The following HEMK2 variants were observed in gnomAD, a reference collection of about 807,000 sequenced individuals.
The protein encoded by HEMK2 is HemK methyltransferase 2, ETF1 glutamine and histone H4 lysine.
chr21:28,672,120 C>T, the HEMK2 span, among the ~76,000 whole-genome samples: 3 of 151,874 alleles, frequency 2.0e-5, no homozygotes, highest in Non-Finnish European at 4.4e-5. Flanking sequence ...GAAACATAGG[C>T]TTAAATAGTT....
chr21:28,634,103 G>A, the HEMK2 span, among the ~76,000 whole-genome samples: 2 of 152,200 alleles, frequency 1.3e-5, no homozygotes, highest in Non-Finnish European at 2.9e-5. Context: ...AAATGAGAAT[G>A]TCATATCCTC....
the HEMK2 span, among the ~76,000 whole-genome samples, chr21:28,785,321 T>C: frequency 6.6e-6 from 1 of 152,264 alleles, no homozygotes; most frequent in African/African-American, 2.4e-5. Context: ...AATTTTTAAA[T>C]CAGGGATGCT....
At chr21:28,603,511 TTTAACTCTTCCACA>T in the HEMK2 span, among the ~76,000 whole-genome samples, 1 of 151,216 alleles carries the variant, frequency 6.6e-6, no homozygotes, top group African/African-American at 2.4e-5. Context: ...CTACAGAGAG[TTTAACTCTTCCACA>T]GTATTATTTT....
the HEMK2 span, among the ~76,000 whole-genome samples, chr21:28,760,609 A>G: frequency 6.6e-6 from 1 of 152,188 alleles, no homozygotes; most frequent in Non-Finnish European, 1.5e-5. Flanking sequence ...TTAACTCAAC[A>G]TAACTCTTTG....
chr21:28,650,724 G>C, the HEMK2 span, among the ~76,000 whole-genome samples: 2 of 152,140 alleles, frequency 1.3e-5, no homozygotes, highest in African/African-American at 4.8e-5. Context: ...TTGAAGTCTA[G>C]TCTTGAGAAG....
At chr21:28,885,293 G>C in the HEMK2 span, 27 of 1,591,304 alleles carry the variant, frequency 1.7e-5, no homozygotes, top group East Asian at 1.6e-4. Context: ...GTCGCTGAAG[G>C]CGCCGCGGCC....
the HEMK2 span, among the ~76,000 whole-genome samples, chr21:28,599,295 T>C: frequency 2.0e-5 from 3 of 152,164 alleles, no homozygotes; most frequent in Admixed American, 2.0e-4. Flanking sequence ...AGAAGTTTAA[T>C]GGATTCACAG....
At chr21:28,866,235 G>A in the HEMK2 span, among the ~76,000 whole-genome samples, 1 of 150,300 alleles carries the variant, frequency 6.7e-6, no homozygotes, top group South Asian at 2.1e-4. Flanking sequence ...CAGCTACTAG[G>A]GAAACTGAGG....
At chr21:28,882,423 GAA>G in the HEMK2 span, among the ~76,000 whole-genome samples, 1 of 152,026 alleles carries the variant, frequency 6.6e-6, no homozygotes, top group African/African-American at 2.4e-5. Flanking sequence ...TTCTATTGAT[GAA>G]AAAGACTGTT....
the HEMK2 span, among the ~76,000 whole-genome samples, chr21:28,755,346 G>A: frequency 0.19 from 29,443 of 152,134 alleles, 3,565 homozygotes; most frequent in African/African-American, 0.34. Flanking sequence ...TGTCCACCAC[G>A]TACATGTACA....
At chr21:28,871,709 C>T in the HEMK2 span, among the ~76,000 whole-genome samples, 1 of 152,162 alleles carries the variant, frequency 6.6e-6, no homozygotes. Flanking sequence ...TGCATTCTCT[C>T]ACAGTTCTTG....
the HEMK2 span, among the ~76,000 whole-genome samples, chr21:28,805,462 T>A: frequency 6.6e-6 from 1 of 152,186 alleles, no homozygotes; most frequent in Non-Finnish European, 1.5e-5. Context: ...CATACCTCTA[T>A]AAAGTAAAAA....
chr21:28,856,150 T>C, the HEMK2 span, among the ~76,000 whole-genome samples: 1 of 152,132 alleles, frequency 6.6e-6, no homozygotes, highest in African/African-American at 2.4e-5. Flanking sequence ...CACAGTGGCT[T>C]ATGCCTGTAA....
the HEMK2 span, among the ~76,000 whole-genome samples, chr21:28,689,233 C>T: frequency 9.2e-5 from 14 of 152,096 alleles, no homozygotes; most frequent in Non-Finnish European, 1.9e-4. Flanking sequence ...AAGAATATCC[C>T]GTTAAAAGCC....
chr21:28,582,429 G>A, the HEMK2 span, among the ~76,000 whole-genome samples: 1 of 152,022 alleles, frequency 6.6e-6, no homozygotes, highest in African/African-American at 2.4e-5. Flanking sequence ...AACCACCTGG[G>A]GGGAATCAAG....
chr21:28,832,234 A>G, the HEMK2 span, among the ~76,000 whole-genome samples: 1 of 152,204 alleles, frequency 6.6e-6, no homozygotes, highest in African/African-American at 2.4e-5. Context: ...TAGGGCAAAT[A>G]TGCTTGAGGC....
the HEMK2 span, among the ~76,000 whole-genome samples, chr21:28,863,410 TTATA>T: frequency 5.4e-4 from 21 of 38,966 alleles, no homozygotes; most frequent in East Asian, 2.5e-3. Flanking sequence ...AAACTCCCTT[TTATA>T]TATATATATA....
the HEMK2 span, among the ~76,000 whole-genome samples, chr21:28,745,894 G>A: frequency 6.6e-6 from 1 of 152,208 alleles, no homozygotes; most frequent in Non-Finnish European, 1.5e-5. Context: ...CCTTCAGGAC[G>A]ATTTCAGTAA....
chr21:28,605,473 AG>A, the HEMK2 span, among the ~76,000 whole-genome samples: 1 of 152,256 alleles, frequency 6.6e-6, no homozygotes, highest in African/African-American at 2.4e-5. Flanking sequence ...ATATGTCAAA[AG>A]CACTTGTTCT....
Sources: allele counts gnomAD v4.1 joint callset (sites outside exome capture counted in the v4.1 genomes callset), GRCh38; gene constraint gnomAD v4.1.1; transcripts MANE v1.5; gene names NCBI Gene and HGNC (gene_info 2026-07-23, HGNC 2026-07-21).